The following CREBBP variants were observed in gnomAD, a reference collection of about 807,000 sequenced individuals.
CREBBP encodes CREB binding lysine acetyltransferase.
Under a neutral mutation model 265.0 loss-of-function variants are expected in CREBBP, and 19 were observed. The ratio of observed to expected loss-of-function variants is 0.07; its 90% CI spans 0.05 to 0.11. CREBBP has a LOEUF of 0.11. Among genes scored for constraint, CREBBP ranks in the 10% least tolerant of loss-of-function variants. The pLI is 1.00. For missense variants in CREBBP, 2,525 were observed against 3,219.0 expected, an observed-to-expected ratio of 0.78 and a Z score of 5.22; for synonymous variants, 1,457 against 1,223.7, an observed-to-expected ratio of 1.19 and a Z score of -3.98.
At chr16:3,847,578 C>T (rs1445958332) in intron 2 of CREBBP, among the ~76,000 whole-genome samples, 1 of 152,154 alleles carries the variant, frequency 6.6e-6, no homozygotes, top group African/African-American at 2.4e-5. Flanking sequence ...GTCCCCAGCA[C>T]GCTAACGAGG....
intron 8 of CREBBP, among the ~76,000 whole-genome samples, chr16:3,779,091 C>T (rs566488537): frequency 3.3e-5 from 5 of 151,118 alleles, no homozygotes; most frequent in African/African-American, 7.3e-5. Context: ...TGCTTGAACC[C>T]GGGAGGCAGA....
Position 3,727,521 on chromosome 16 carries a change from G to C in CREBBP, c.*197C>G, listed in dbSNP as rs973392641. The C allele has an allele frequency of 3.9e-4, 66 of 169,068 alleles. No homozygotes were observed. Among genetic ancestry groups the C allele is most frequent in the Non-Finnish European group, 5.2e-4 (57 of 110,052 alleles). The allele number at this position is 169,068 out of a possible 1,614,324, so 10.5% of individuals were successfully genotyped here. On this transcript the variant is annotated 3_prime_UTR_variant, in exon 31 of 31. Transcript: ENST00000262367. ...ACCCCCCCGCCAAAAAAAAACCAAAGAGAGAGACCAGATATTTAAATCAAC... is the reference window on the plus strand; with the variant it reads ...ACCCCCCCGCCAAAAAAAAACCAAACAGAGAGACCAGATATTTAAATCAAC...
chr16:3,778,670 G>A (rs770206448), intron 9 of CREBBP, 30 bp downstream of exon 9: 23 of 1,503,280 alleles, frequency 1.5e-5, no homozygotes, highest in Non-Finnish European at 1.8e-5. Flanking sequence ...AGATGCTGTA[G>A]AGGCCAGAGC....
intron 2 of CREBBP, among the ~76,000 whole-genome samples, chr16:3,838,655 T>C (rs1366608792): frequency 1.3e-5 from 2 of 152,202 alleles, no homozygotes; most frequent in African/African-American, 2.4e-5. Flanking sequence ...GACTGGATGA[T>C]AGGCTTACAG....
At chr16:3,851,740 G>T (rs2054842644) in intron 1 of CREBBP, among the ~76,000 whole-genome samples, 1 of 151,540 alleles carries the variant, frequency 6.6e-6, no homozygotes, top group Non-Finnish European at 1.5e-5. Context: ...TGTAGTCCCA[G>T]CTACTCGGGA....
Position 3,726,307 on chromosome 16 carries a change from G to C in CREBBP, c.*1411C>G, listed in dbSNP as rs1025321267. 3 of 233,330 alleles carry C rather than the reference G, an allele frequency of 1.3e-5. No individual in the cohort carries two copies. The highest frequency in any genetic ancestry group is 2.5e-5 in the Non-Finnish European group (3 of 118,096). 14.5% of individuals were successfully genotyped at this position (233,330 alleles called of 1,614,324 possible). A position where few individuals can be genotyped will look rare whatever the true frequency, so the allele number is the denominator to read the frequency against. ...TGGGGGTGGCAGCTACGACGGACAGGGAGGATGGAGGAGTGGGCCAAATGC... is the reference window on the plus strand; with the variant it reads ...TGGGGGTGGCAGCTACGACGGACAGCGAGGATGGAGGAGTGGGCCAAATGC... On this transcript the variant is annotated 3_prime_UTR_variant, in exon 31 of 31. Coordinates refer to ENST00000262367, the MANE Select transcript of CREBBP (RefSeq NM_004380.3).
chr16:3,807,688 G>C (rs750864732), intron 3 of CREBBP, among the ~76,000 whole-genome samples: 14 of 152,190 alleles, frequency 9.2e-5, no homozygotes, highest in Non-Finnish European at 1.8e-4. Context: ...AAACTCCTCA[G>C]AGTCTCAACT....
intron 9 of CREBBP, among the ~76,000 whole-genome samples, chr16:3,778,414 T>C (rs1043364102): frequency 2.6e-5 from 4 of 152,228 alleles, no homozygotes; most frequent in Admixed American, 6.5e-5. Context: ...AATGAACTTC[T>C]TGAATATTCA....
chr16:3,817,967 G>A (rs895809989), intron 2 of CREBBP, among the ~76,000 whole-genome samples: 6 of 152,112 alleles, frequency 3.9e-5, no homozygotes, highest in African/African-American at 1.4e-4. Flanking sequence ...GGGCAAGCTG[G>A]TTCCTCATCT....
intron 1 of CREBBP, among the ~76,000 whole-genome samples, chr16:3,873,601 C>CGGAT (rs2055343255): frequency 6.6e-6 from 1 of 152,156 alleles, no homozygotes; most frequent in East Asian, 1.9e-4. Context: ...TCCCATTGGG[C>CGGAT]GGATATGCCA....
chr16:3,800,982 T>C (rs142341828), intron 3 of CREBBP, among the ~76,000 whole-genome samples: 389 of 152,334 alleles, frequency 2.6e-3, no homozygotes, highest in African/African-American at 9.0e-3. Flanking sequence ...TCCCAGTCCA[T>C]CTTTATTCCT....
At chr16:3,785,941 C>T (rs768288760) in intron 5 of CREBBP, among the ~76,000 whole-genome samples, 8 of 152,226 alleles carry the variant, frequency 5.3e-5, no homozygotes, top group Non-Finnish European at 1.2e-4. Flanking sequence ...AGTCTCACCA[C>T]CCCTTCTGAT....
chr16:3,746,765 G>A (rs1029330940), intron 21 of CREBBP, among the ~76,000 whole-genome samples: 1 of 152,000 alleles, frequency 6.6e-6, no homozygotes, highest in South Asian at 2.1e-4. Flanking sequence ...GGTAAAATAG[G>A]GAGACCCCAT....
intron 2 of CREBBP, among the ~76,000 whole-genome samples, chr16:3,831,086 T>C (rs2054334498): frequency 6.6e-6 from 1 of 152,196 alleles, no homozygotes; most frequent in Admixed American, 6.5e-5. Context: ...GATCATTCTT[T>C]TCAAGTATAG....
intron 1 of CREBBP, among the ~76,000 whole-genome samples, chr16:3,864,290 C>T (rs1397424882): frequency 1.3e-5 from 2 of 152,152 alleles, no homozygotes; most frequent in African/African-American, 2.4e-5. Context: ...CCATGTACAA[C>T]GCGTGGAGGC....
At chr16:3,811,077 T>C (rs1192933785) in intron 2 of CREBBP, among the ~76,000 whole-genome samples, 1 of 152,116 alleles carries the variant, frequency 6.6e-6, no homozygotes, top group Non-Finnish European at 1.5e-5. Flanking sequence ...GAAAGTCATT[T>C]GGAAAACAAA....
intron 2 of CREBBP, among the ~76,000 whole-genome samples, chr16:3,818,488 AGTAGAGATGGGGTTTCCCCATC>A (rs932018510): frequency 6.6e-6 from 1 of 151,650 alleles, no homozygotes; most frequent in African/African-American, 2.4e-5. Flanking sequence ...TTGTATTTTT[AGTAGAGATGGGGTTTCCCCATC>A]TTTACTAAAG....
chr16:3,773,630 A>T (rs566360374), intron 13 of CREBBP, 121 bp downstream of exon 13: 1 of 1,049,636 alleles, frequency 9.5e-7, no homozygotes, highest in African/African-American at 1.6e-5. Context: ...AGCTGATACA[A>T]AGACATGAAA....
chr16:3,876,616 G>A (rs925509056), intron 1 of CREBBP, among the ~76,000 whole-genome samples: 14 of 152,058 alleles, frequency 9.2e-5, no homozygotes, highest in East Asian at 3.8e-4. Flanking sequence ...TTGTAAGGGT[G>A]CCAAGTAAAG....
Sources: allele counts gnomAD v4.1 joint callset (sites outside exome capture counted in the v4.1 genomes callset), GRCh38; gene constraint gnomAD v4.1.1; transcripts MANE v1.5; gene names NCBI Gene and HGNC (gene_info 2026-07-23, HGNC 2026-07-21).